Variants in TNFRSF25 observed in about 807,000 individuals in gnomAD.
TNFRSF25 encodes the protein tumor necrosis factor receptor superfamily member 25.
TNFRSF25 carries 28 observed loss-of-function variants against 49.4 expected under a neutral mutation model. The ratio of observed to expected loss-of-function variants is 0.57; its 90% CI spans 0.42 to 0.78. The LOEUF (loss-of-function observed/expected upper bound fraction) is 0.78. Among genes scored for constraint, TNFRSF25 ranks in the 30% least tolerant of loss-of-function variants. The probability of loss-of-function intolerance (pLI) is 0.00; values close to 1 mark genes in which losing one functional copy is unlikely to be tolerated. For missense variants in TNFRSF25, 531 were observed against 581.6 expected, an observed-to-expected ratio of 0.91 and a Z score of 0.90; for synonymous variants, 240 against 234.2, an observed-to-expected ratio of 1.02 and a Z score of -0.23.
Position 6,461,783 on chromosome 1 carries a change from G to A in TNFRSF25, c.926-21C>T. The A allele has an allele frequency of 3.3e-6, 5 of 1,494,146 alleles. No homozygotes were observed. Among genetic ancestry groups the A allele is most frequent in the East Asian group, 2.5e-5 (1 of 40,382 alleles). 92.6% of individuals were successfully genotyped at this position (1,494,146 alleles called of 1,614,324 possible). ...GGGGCCTGGGGCAGGGCCAGAGAGAGCCAATTGGGGTACGTGGGCCGCGGT... is the reference window on the plus strand; with the variant it reads ...GGGGCCTGGGGCAGGGCCAGAGAGAACCAATTGGGGTACGTGGGCCGCGGT... On this transcript the variant is annotated intron_variant, in intron 9 of 9. Coordinates refer to ENST00000356876, the MANE Select transcript of TNFRSF25 (RefSeq NM_003790.3). The surrounding 1 kb of genome is among the most constrained non-coding windows in gnomAD (Gnocchi z 6.3).
chr1:6,465,257 G>A (rs1644312265), intron 2 of TNFRSF25, 35 bp from the exon 3 acceptor site: 8 of 1,588,594 alleles, frequency 5.0e-6, no homozygotes, highest in Non-Finnish European at 6.8e-6. Flanking sequence ...CAGGCAGAGG[G>A]GCTGCCCAGC....
intron 5 of TNFRSF25, chr1:6,463,803 A>C (rs929716410): frequency 1.3e-5 from 2 of 151,408 alleles, no homozygotes; most frequent in African/African-American, 4.9e-5. Flanking sequence ...AGGCCTGTGA[A>C]TTAGCTGCTA....
intron 5 of TNFRSF25, chr1:6,464,028 G>A (rs1644259769): frequency 1.8e-5 from 17 of 930,112 alleles, no homozygotes; most frequent in Non-Finnish European, 1.9e-5. Context: ...GCAGTGGCAC[G>A]ATCATAGCTC....
At chr1:6,465,658 A>G (rs1236247966) in intron 1 of TNFRSF25, 98 bp from the exon 2 acceptor site, 18 of 1,505,408 alleles carry the variant, frequency 1.2e-5, no homozygotes, top group Non-Finnish European at 1.6e-5. Context: ...ATTTGCCCAC[A>G]GAGCAGCCCA....
Position 6,461,472 on chromosome 1 carries a change from C to G in TNFRSF25, c.1216G>C (p.Val406Leu). 6.4e-7 allele frequency: 1 copy of G among 1,555,550 alleles called. No individual in the cohort carries two copies. Among genetic ancestry groups the G allele is most frequent in the South Asian group, 1.2e-5 (1 of 86,090 alleles). Reference sequence around the variant, plus strand: ...TGCAGGCGGCTGCGCAAGTCTTCCACGCAGCCGTCCAGCCCCATGCGCTCC... The same window carrying G: ...TGCAGGCGGCTGCGCAAGTCTTCCAGGCAGCCGTCCAGCCCCATGCGCTCC... ...ALERMGLDGCVEDLRSRLQRG... is the reference protein window; with the variant it reads ...ALERMGLDGCLEDLRSRLQRG... Residue 406 changes from valine to leucine, a missense_variant, in exon 10 of 10, where the codon GTG becomes CTG. Val to Leu is a conservative substitution (Grantham distance 32). Coordinates refer to ENST00000356876, the MANE Select transcript of TNFRSF25 (RefSeq NM_003790.3). The surrounding 1 kb of genome is among the most constrained non-coding windows in gnomAD (Gnocchi z 6.3).
At chr1:6,463,586 G>T (rs561175622) in intron 5 of TNFRSF25, 8 of 169,776 alleles carry the variant, frequency 4.7e-5, no homozygotes, top group Admixed American at 1.7e-4. Context: ...ATTAGCCGGG[G>T]GTGGTGGTGG....
intron 3 of TNFRSF25, 35 bp downstream of exon 3, chr1:6,465,053 A>G (rs1644304488): frequency 6.3e-7 from 1 of 1,596,040 alleles, no homozygotes; most frequent in Non-Finnish European, 8.5e-7. Context: ...GCCTGTCCTT[A>G]GGAACTCCCT....
chr1:6,464,918 C>A (rs1249803834), intron 3 of TNFRSF25, among the ~76,000 whole-genome samples, 170 bp downstream of exon 3: 1 of 152,170 alleles, frequency 6.6e-6, no homozygotes, highest in Non-Finnish European at 1.5e-5. Flanking sequence ...ATGGGAAGGT[C>A]ACCAGGAAGA....
chr1:6,464,137 T>TG lies in TNFRSF25; in HGVS notation c.542+237dup, dbSNP rs1557727210. ...ATCTGTAATATCTGGCTAGGATCGC[T>TG]GGGGGGAATGCTGGCTGAAAGTGAA... On this transcript the variant is annotated intron_variant, in intron 5 of 9. Transcript: ENST00000356876. The TG allele has an allele frequency of 2.3e-5, 32 of 1,392,936 alleles. No individual in the cohort carries two copies. The South Asian group carries it at 3.8e-4, about 17-fold the overall frequency. The allele number at this position is 1,392,936 out of a possible 1,614,324, so 86.3% of individuals were successfully genotyped here. A position where few individuals can be genotyped will look rare whatever the true frequency, so the allele number is the denominator to read the frequency against.
At chr1:6,463,725 C>CAAAAAAAAAAA (rs55660538) in intron 5 of TNFRSF25, 3 of 27,590 alleles carry the variant, frequency 1.1e-4, no homozygotes, top group African/African-American at 4.0e-4. Flanking sequence ...GTCTCCATCT[C>CAAAAAAAAAAA]AAAAAAAAAA....
Position 6,461,617 on chromosome 1 carries a change from G to A in TNFRSF25, c.1071C>T (p.Arg357=), listed in dbSNP as rs1357269821. The A allele has an allele frequency of 1.2e-6, 2 of 1,609,250 alleles. No homozygotes were observed. Among genetic ancestry groups the A allele is most frequent in the African/African-American group, 1.3e-5 (1 of 74,890 alleles). The stretch of plus-strand genomic sequence containing the variant: ...CCTCCACGGCTTCGATCTCTGCCTC[G>A]CGCAGCCCCAGCGTGCGCACGAACT... ...WKEFVRTLGL[R]EAEIEAVEVE... The change falls in exon 10 of 10, where the codon CGC becomes CGT. Residue 357 remains arginine, a synonymous_variant. Transcript: ENST00000356876. This position sits in a 1 kb window ranked among gnomAD's most constrained non-coding sequence, Gnocchi z 6.3.
chr1:6,465,581 ACT>A (rs767707098), intron 1 of TNFRSF25, 21 bp from the exon 2 acceptor site: 2 of 1,607,546 alleles, frequency 1.2e-6, no homozygotes, highest in African/African-American at 1.3e-5. Flanking sequence ...GGTGCTGCTG[ACT>A]CTCAGCGCAG....
Position 6,462,631 on chromosome 1 carries a change from GT to G in TNFRSF25, c.741del (p.Pro248ArgfsTer15). The G allele has an allele frequency of 6.2e-7, 1 of 1,613,442 alleles. No individual in the cohort carries two copies. Among genetic ancestry groups the G allele is most frequent in the Non-Finnish European group, 8.5e-7 (1 of 1,179,666 alleles). On this transcript the variant is annotated frameshift_variant, in exon 8 of 10. Coordinates refer to ENST00000356876, the MANE Select transcript of TNFRSF25 (RefSeq NM_003790.3). LOFTEE classifies it high-confidence loss of function. The surrounding 1 kb of genome is among the most constrained non-coding windows in gnomAD (Gnocchi z 4.2). Reference sequence around the variant, plus strand: ...GAATCACACAGTGAGGTTCTTACCGGTGGTGGGGTCAGAGCCTCCATCCCAG... The same window carrying G: ...GAATCACACAGTGAGGTTCTTACCGGGGTGGGGTCAGAGCCTCCATCCCAG... The part of the protein sequence containing the change: ...DEAGMEALTP[P>X]PATHLSPLDS...
At chr1:6,463,296 TC>T (rs531326009) in intron 5 of TNFRSF25, 169 bp from the exon 6 acceptor site, 126 of 646,830 alleles carry the variant, frequency 1.9e-4, no homozygotes, top group Admixed American at 3.4e-4. Context: ...CAGACACTAT[TC>T]ACTGAGCTTC....
chr1:6,465,499 TCACACCTGGGGCTAC>T lies in TNFRSF25; in HGVS notation c.86_100del (p.Arg29_Asp34delinsHis). On this transcript the variant is annotated inframe_deletion, in exon 2 of 10. Coordinates refer to ENST00000356876, the MANE Select transcript of TNFRSF25 (RefSeq NM_003790.3). The stretch of plus-strand genomic sequence containing the variant: ...CTTCTTGTGGAAGTCACCGGCACAG[TCACACCTGGGGCTAC>T]GAGTGCCGCCCTGGGCCCGGGCCCC... The T allele has an allele frequency of 6.2e-7, 1 of 1,613,860 alleles. No individual in the cohort carries two copies. The highest frequency in any genetic ancestry group is 8.5e-7 in the Non-Finnish European group (1 of 1,179,970).
rs746134438 is a variant in TNFRSF25 at position 6,461,604 on chromosome 1, C to T, written c.1084G>A (p.Glu362Lys). The T allele has an allele frequency of 6.2e-7, 1 of 1,610,134 alleles. No individual in the cohort carries two copies. Among genetic ancestry groups the T allele is most frequent in the Non-Finnish European group, 8.5e-7 (1 of 1,179,380 alleles). The change falls in exon 10 of 10, where the codon GAA becomes AAA. Residue 362 changes from glutamate (E) to lysine (K), a missense_variant. Coordinates refer to ENST00000356876, the MANE Select transcript of TNFRSF25 (RefSeq NM_003790.3). The surrounding 1 kb of genome is among the most constrained non-coding windows in gnomAD (Gnocchi z 6.3). ...CGGCCGATCTCCACCTCCACGGCTT[C>T]GATCTCTGCCTCGCGCAGCCCCAGC... The part of the protein sequence containing the change: ...RTLGLREAEI[E>K]AVEVEIGRFR...
intron 1 of TNFRSF25, 167 bp from the exon 2 acceptor site, chr1:6,465,727 C>A: frequency 7.0e-7 from 1 of 1,433,774 alleles, no homozygotes; most frequent in Non-Finnish European, 9.1e-7. Flanking sequence ...AACTTCCTTC[C>A]CCCCGCGCAC....
intron 5 of TNFRSF25, chr1:6,463,725 C>CAAAAAAAAAA (rs55660538): frequency 2.9e-4 from 8 of 27,590 alleles, no homozygotes; most frequent in African/African-American, 9.3e-4. Context: ...GTCTCCATCT[C>CAAAAAAAAAA]AAAAAAAAAA....
intron 3 of TNFRSF25, 93 bp downstream of exon 3, chr1:6,464,995 C>T (rs945738705): frequency 5.2e-6 from 8 of 1,528,418 alleles, no homozygotes; most frequent in Non-Finnish European, 6.2e-6. Context: ...GGGTGCAGGA[C>T]CCTCACACCC....
Sources: allele counts gnomAD v4.1 joint callset (sites outside exome capture counted in the v4.1 genomes callset), GRCh38; gene constraint gnomAD v4.1.1; non-coding constraint Gnocchi (gnomAD v3.1); transcripts MANE v1.5; gene names NCBI Gene and HGNC (gene_info 2026-07-23, HGNC 2026-07-21).